Variants in MBD5 observed in about 807,000 individuals in gnomAD.
MBD5 encodes the protein methyl-CpG-binding domain protein 5.
Under a neutral mutation model 117.3 loss-of-function variants are expected in MBD5, and 13 were observed. The ratio of observed to expected loss-of-function variants is 0.11; its 90% CI spans 0.07 to 0.18. The LOEUF (loss-of-function observed/expected upper bound fraction) is 0.18, where lower values mean the gene tolerates loss of function less well. Ranked by LOEUF, MBD5 falls within the 10% of genes least tolerant of loss-of-function variation. The pLI is 1.00. For missense variants in MBD5, 1,879 were observed against 2,093.8 expected, an observed-to-expected ratio of 0.90 and a Z score of 2.00; for synonymous variants, 727 against 766.4, an observed-to-expected ratio of 0.95 and a Z score of 0.85.
At chr2:148,445,508 T>A (rs1335192819) in intron 4 of MBD5, among the ~76,000 whole-genome samples, 1 of 151,382 alleles carries the variant, frequency 6.6e-6, no homozygotes, top group African/African-American at 2.5e-5. Context: ...GGTGTATATG[T>A]GCCACATTTT....
chr2:148,176,696 AC>A (rs1359910684), intron 1 of MBD5, among the ~76,000 whole-genome samples: 1 of 152,148 alleles, frequency 6.6e-6, no homozygotes, highest in African/African-American at 2.4e-5. Flanking sequence ...GGCTTGAGCC[AC>A]TACGCCCAGC....
intron 4 of MBD5, among the ~76,000 whole-genome samples, chr2:148,442,634 A>T (rs67852977): frequency 0.25 from 37,030 of 151,048 alleles, 5,823 homozygotes; most frequent in African/African-American, 0.39. Flanking sequence ...TAGAACAGAA[A>T]AAATAAAAGT....
At chr2:148,346,694 A>T (rs972289283) in intron 4 of MBD5, 1 of 151,724 alleles carries the variant, frequency 6.6e-6, no homozygotes, top group Non-Finnish European at 1.5e-5. Flanking sequence ...GTAGACTGAT[A>T]AGAATCATAA....
intron 1 of MBD5, among the ~76,000 whole-genome samples, chr2:148,079,705 A>G (rs796766027): frequency 2.6e-5 from 4 of 151,948 alleles, no homozygotes; most frequent in African/African-American, 9.7e-5. Context: ...AAATATACCA[A>G]AATTAGCCAG....
intron 1 of MBD5, among the ~76,000 whole-genome samples, chr2:148,159,100 A>G (rs964312229): frequency 6.6e-6 from 1 of 152,220 alleles, no homozygotes; most frequent in South Asian, 2.1e-4. Context: ...ATGGAGAAAC[A>G]AAAAGGGCCA....
At chr2:148,485,651 G>A in intron 9 of MBD5, 91 bp from the exon 10 acceptor site, 3 of 975,834 alleles carry the variant, frequency 3.1e-6, no homozygotes, top group Non-Finnish European at 4.8e-6. Flanking sequence ...ATAGCACTTA[G>A]TTTCTGTTTC....
chr2:148,389,649 A>T (rs1704505019), intron 4 of MBD5, among the ~76,000 whole-genome samples: 1 of 151,876 alleles, frequency 6.6e-6, no homozygotes, highest in African/African-American at 2.4e-5. Flanking sequence ...ATGGGATCTC[A>T]TTGTGGTTTT....
intron 4 of MBD5, among the ~76,000 whole-genome samples, chr2:148,348,206 G>A (rs1703168719): frequency 6.6e-6 from 1 of 151,966 alleles, no homozygotes; most frequent in Non-Finnish European, 1.5e-5. Flanking sequence ...CTTGTATCCA[G>A]TGGTTGTTCC....
At chr2:148,050,507 T>C (rs1349701389) in intron 1 of MBD5, among the ~76,000 whole-genome samples, 1 of 152,208 alleles carries the variant, frequency 6.6e-6, no homozygotes, top group East Asian at 1.9e-4. Flanking sequence ...TCTCCCATTC[T>C]GTGTGCTGTC....
rs571033912 is a variant in MBD5 at position 148,050,312 on chromosome 2, A to T, written c.-925+28628A>T. 1.4e-4 allele frequency among the ~76,000 whole-genome samples: 22 copies of T among 152,260 alleles called. No individual in the cohort carries two copies. In the East Asian group the frequency reaches 4.2e-3, roughly 29 times the overall value. On this transcript the variant is annotated intron_variant, in intron 1 of 13. Coordinates refer to ENST00000642680, the MANE Select transcript of MBD5 (RefSeq NM_001378120.1). ...TTCCAAATGTTTTCATGTGCTTATT[A>T]GCCATTTGCATACCTTCTTTAGAGA...
chr2:148,489,252 G>C, intron 10 of MBD5, 134 bp from the exon 11 acceptor site: 8 of 1,070,238 alleles, frequency 7.5e-6, no homozygotes, highest in Non-Finnish European at 1.1e-5. Context: ...TTCATTTTTT[G>C]AGTCTTGTTC....
At chr2:148,073,717 G>A (rs1036927654) in intron 1 of MBD5, among the ~76,000 whole-genome samples, 1 of 152,050 alleles carries the variant, frequency 6.6e-6, no homozygotes, top group African/African-American at 2.4e-5. Context: ...AGGTACTATT[G>A]TTATCCCTAT....
At chr2:148,089,525 A>G (rs750410195) in intron 1 of MBD5, among the ~76,000 whole-genome samples, 1 of 152,152 alleles carries the variant, frequency 6.6e-6, no homozygotes, top group Admixed American at 6.5e-5. Context: ...AAAATTGGAA[A>G]TTAACTCCAA....
intron 1 of MBD5, among the ~76,000 whole-genome samples, chr2:148,023,811 C>T (rs1372141430): frequency 6.6e-6 from 1 of 151,808 alleles, no homozygotes; most frequent in Non-Finnish European, 1.5e-5. Context: ...TCACCCTCAC[C>T]CCCATGATCC....
intron 11 of MBD5, among the ~76,000 whole-genome samples, chr2:148,498,948 T>C (rs73965442): frequency 6.6e-6 from 1 of 152,162 alleles, no homozygotes; most frequent in Non-Finnish European, 1.5e-5. Flanking sequence ...CTATTTATGT[T>C]GAAGAATTAT....
intron 1 of MBD5, among the ~76,000 whole-genome samples, chr2:148,093,767 A>G (rs1274158386): frequency 6.6e-6 from 1 of 152,184 alleles, no homozygotes; most frequent in Non-Finnish European, 1.5e-5. Context: ...TGTTGAGGCT[A>G]TGGAAATTTC....
chr2:148,126,693 T>C (rs1696904653), intron 1 of MBD5, among the ~76,000 whole-genome samples: 1 of 152,058 alleles, frequency 6.6e-6, no homozygotes, highest in Non-Finnish European at 1.5e-5. Flanking sequence ...ATAATAGAAA[T>C]AATGACAGTA....
chr2:148,224,686 CCTATCT>C (rs1360647054), intron 2 of MBD5, among the ~76,000 whole-genome samples: 2 of 151,724 alleles, frequency 1.3e-5, no homozygotes, highest in East Asian at 3.9e-4. Flanking sequence ...TGTATTGGGG[CCTATCT>C]CTATCTTTAG....
intron 1 of MBD5, among the ~76,000 whole-genome samples, chr2:148,173,249 G>C (rs188184202): frequency 1.9e-3 from 294 of 152,126 alleles, no homozygotes; most frequent in Admixed American, 4.6e-3. Flanking sequence ...TGTGTATCCT[G>C]GCATCTCCAA....
Sources: allele counts gnomAD v4.1 joint callset (sites outside exome capture counted in the v4.1 genomes callset), GRCh38; gene constraint gnomAD v4.1.1; transcripts MANE v1.5; gene names NCBI Gene and HGNC (gene_info 2026-07-23, HGNC 2026-07-21).